ZNF23: variants seen among roughly 807,000 people sequenced by gnomAD.
ZNF23 encodes the protein zinc finger protein 23, also known as kruppel-like zinc finger factor X31.
Under a neutral mutation model 56.2 loss-of-function variants are expected in ZNF23, and 48 were observed. The observed-to-expected ratio is 0.85, with a 90% CI of 0.68 to 1.09. The LOEUF (loss-of-function observed/expected upper bound fraction) is 1.09. Among genes scored for constraint, ZNF23 ranks in the 50% least tolerant of loss-of-function variants. ZNF23 has a pLI of 0.00. For missense variants in ZNF23, 805 were observed against 811.4 expected (o/e 0.99, Z 0.10); for synonymous variants, 266 against 283.3 (o/e 0.94, Z 0.61).
At chr16:71,451,817 T>C (rs557287028) in intron 4 of ZNF23, 6 of 152,362 alleles carry the variant, frequency 3.9e-5, no homozygotes, top group African/African-American at 1.2e-4. Context: ...CTCACCAACA[T>C]TGAATATAAT....
At chr16:71,454,228 G>A in intron 2 of ZNF23, 60 bp from the exon 3 acceptor site, 1 of 1,573,044 alleles carries the variant, frequency 6.4e-7, no homozygotes, top group Non-Finnish European at 8.6e-7. Flanking sequence ...CCTAAGTGAG[G>A]GGCAGAGCGC....
intron 4 of ZNF23, 163 bp from the exon 5 acceptor site, chr16:71,450,048 C>T (rs974646040): frequency 9.6e-6 from 5 of 523,276 alleles, no homozygotes; most frequent in Non-Finnish European, 1.6e-5. Context: ...TAATTTGTAA[C>T]TAACTAGTAA....
At chr16:71,449,915 T>C (rs773672611) in intron 4 of ZNF23, 30 bp from the exon 5 acceptor site, 7 of 1,520,212 alleles carry the variant, frequency 4.6e-6, no homozygotes, top group Non-Finnish European at 6.2e-6. Context: ...TAAAATGTCA[T>C]GTAAGAACCA....
intron 1 of ZNF23, among the ~76,000 whole-genome samples, chr16:71,460,959 G>A (rs2043424896): frequency 6.6e-6 from 1 of 152,058 alleles, no homozygotes; most frequent in Non-Finnish European, 1.5e-5. Context: ...ACATTACCCA[G>A]AAGCTACACA....
At chr16:71,460,599 C>G (rs2043408552) in intron 1 of ZNF23, among the ~76,000 whole-genome samples, 1 of 152,150 alleles carries the variant, frequency 6.6e-6, no homozygotes, top group African/African-American at 2.4e-5. Flanking sequence ...ACAGACCAGT[C>G]TCATTTATGA....
At position 71,448,334 on chromosome 16, in the gene ZNF23, T is replaced by A; in HGVS notation, c.1820A>T (p.Glu607Val). The change falls in exon 5 of 5, where the codon GAG becomes GTG. Residue 607 changes from glutamate (E) to valine (V), a missense_variant. Transcript: ENST00000647773. ...HTGEKPFQCK[E>V]CGKAFHVNAH... ...ATTAACATGGAAGGCTTTTCCACACTCCTTACACTGAAAGGGTTTCTCTCC... is the reference window on the plus strand; with the variant it reads ...ATTAACATGGAAGGCTTTTCCACACACCTTACACTGAAAGGGTTTCTCTCC... 1 of 1,614,126 alleles carries A rather than the reference T, an allele frequency of 6.2e-7. No homozygotes were observed. Among genetic ancestry groups the A allele is most frequent in the Non-Finnish European group, 8.5e-7 (1 of 1,180,006 alleles).
intron 4 of ZNF23, chr16:71,452,549 C>T (rs2043093103): frequency 6.6e-6 from 1 of 152,180 alleles, no homozygotes; most frequent in African/African-American, 2.4e-5. Flanking sequence ...ATCTGTAAGA[C>T]CTCAGGATTC....
At chr16:71,457,513 A>G (rs2043280836) in intron 1 of ZNF23, among the ~76,000 whole-genome samples, 1 of 151,992 alleles carries the variant, frequency 6.6e-6, no homozygotes, top group South Asian at 2.1e-4. Context: ...CAGTGAGCCA[A>G]GATTGCGCCA....
At chr16:71,460,968 C>G (rs894177930) in intron 1 of ZNF23, among the ~76,000 whole-genome samples, 2 of 152,102 alleles carry the variant, frequency 1.3e-5, no homozygotes. Flanking sequence ...AGAAGCTACA[C>G]ACAGAATGAA....
chr16:71,461,425 G>C (rs980017785), intron 1 of ZNF23, among the ~76,000 whole-genome samples: 4 of 152,090 alleles, frequency 2.6e-5, no homozygotes, highest in Non-Finnish European at 4.4e-5. Context: ...GAAAGAAAAG[G>C]GGTAAGCAAC....
chr16:71,449,977 G>A, intron 4 of ZNF23, 92 bp from the exon 5 acceptor site: 1 of 1,082,278 alleles, frequency 9.2e-7, no homozygotes, highest in Non-Finnish European at 1.3e-6. Flanking sequence ...TAATCAGGGG[G>A]CTCCTTAAAA....
At chr16:71,454,653 C>T (rs2145102092) in intron 2 of ZNF23, among the ~76,000 whole-genome samples, 1 of 152,262 alleles carries the variant, frequency 6.6e-6, no homozygotes, top group East Asian at 1.9e-4. Context: ...CTTCACAGAC[C>T]CCCCAACAAG....
chr16:71,450,002 C>CA (rs1344651583), intron 4 of ZNF23, 117 bp from the exon 5 acceptor site: 2 of 746,188 alleles, frequency 2.7e-6, no homozygotes, highest in Non-Finnish European at 4.1e-6. Context: ...CAGACTAGGT[C>CA]AAAAAACATA....
intron 1 of ZNF23, among the ~76,000 whole-genome samples, chr16:71,458,197 A>G: frequency 6.6e-6 from 1 of 152,204 alleles, no homozygotes; most frequent in East Asian, 1.9e-4. Flanking sequence ...AGAGGAGATC[A>G]CTGTAGCAGC....
At position 71,456,815 on chromosome 16, in the gene ZNF23, G is replaced by C. The variant is rs1279787014; in HGVS notation, c.-19C>G. ...CTGCCATCCCCTGGTCCCCGTCTCA[G>C]AGAAGGGCTGGAGCTAAGGAGAAAC... On this transcript the variant is annotated 5_prime_UTR_variant, in exon 2 of 5. Coordinates refer to ENST00000647773, the MANE Select transcript of ZNF23 (RefSeq NM_001381984.1). 2.0e-6 allele frequency: 2 copies of C among 985,426 alleles called. No individual in the cohort carries two copies. Among genetic ancestry groups the C allele is most frequent in the East Asian group, 2.3e-4 (2 of 8,828 alleles). 61.0% of individuals were successfully genotyped at this position (985,426 alleles called of 1,614,324 possible).
At chr16:71,453,497 T>C in intron 3 of ZNF23, 147 bp from the exon 4 acceptor site, 1 of 620,974 alleles carries the variant, frequency 1.6e-6, no homozygotes. Flanking sequence ...GAAAGTACTG[T>C]GGGGCTTAGG....
In ZNF23 at chr16:71,449,600, C is replaced by A; in HGVS notation, c.554G>T (p.Cys185Phe). 6 of 1,614,110 alleles carry A rather than the reference C, an allele frequency of 3.7e-6. No homozygotes were observed. Among genetic ancestry groups the A allele is most frequent in the Non-Finnish European group, 5.1e-6 (6 of 1,180,032 alleles). The change falls in exon 5 of 5, where the codon TGT becomes TTT. Residue 185 changes from cysteine (C) to phenylalanine (F), a missense_variant. Physicochemically the swap from Cys to Phe is radical, Grantham distance 205 (BLOSUM62 -2). Coordinates refer to ENST00000647773, the MANE Select transcript of ZNF23 (RefSeq NM_001381984.1). Reference sequence around the variant, plus strand: ...GCTGATGGATTTCCCCAATCCTGTACACCCAGAGGGCTGCTCTCCAGTGAT... The same window carrying A: ...GCTGATGGATTTCCCCAATCCTGTAAACCCAGAGGGCTGCTCTCCAGTGAT... ...HTITGEQPSGCTGLGKSISFD... is the reference protein window; with the variant it reads ...HTITGEQPSGFTGLGKSISFD...
intron 4 of ZNF23, chr16:71,452,723 A>C (rs2043099376): frequency 6.5e-6 from 1 of 152,950 alleles, no homozygotes; most frequent in Admixed American, 6.5e-5. Context: ...TTAAACCTCA[A>C]CCCACAAGAT....
At chr16:71,458,193 G>A (rs921371638) in intron 1 of ZNF23, among the ~76,000 whole-genome samples, 3 of 152,228 alleles carry the variant, frequency 2.0e-5, no homozygotes, top group African/African-American at 7.2e-5. Flanking sequence ...TGAGAGAGGA[G>A]ATCACTGTAG....
Sources: allele counts gnomAD v4.1 joint callset (sites outside exome capture counted in the v4.1 genomes callset), GRCh38; gene constraint gnomAD v4.1.1; transcripts MANE v1.5; gene names NCBI Gene and HGNC (gene_info 2026-07-23, HGNC 2026-07-21).